SRGAP3: variants seen among roughly 807,000 people sequenced by gnomAD.
SRGAP3 encodes the protein SLIT-ROBO Rho GTPase activating protein 3, also known as SLIT-ROBO Rho GTPase-activating protein 3.
Under a neutral mutation model 121.1 loss-of-function variants are expected in SRGAP3, and 39 were observed. The ratio of observed to expected loss-of-function variants is 0.32; its 90% CI spans 0.25 to 0.42. The LOEUF is 0.42. Ranked by LOEUF, SRGAP3 falls within the 10% of genes least tolerant of loss-of-function variation. The pLI, the probability that SRGAP3 is intolerant of heterozygous loss-of-function variation, is 1.00. For missense variants in SRGAP3, 1,213 were observed against 1,470.6 expected, an observed-to-expected ratio of 0.82 and a Z score of 2.86; for synonymous variants, 601 against 570.0, an observed-to-expected ratio of 1.05 and a Z score of -0.77.
chr3:9,217,317 A>C (rs985603997), intron 1 of SRGAP3: 1 of 152,222 alleles, frequency 6.6e-6, no homozygotes, highest in Non-Finnish European at 1.5e-5. Context: ...GGGCTGTGAG[A>C]AATTTAACTA....
rs552524336 is a variant in SRGAP3 at position 9,206,387 on chromosome 3, G to A, written c.67+42498C>T. ...CGGAAGCTCAGGGAGTCTGATTCCCGAGCCCATGTTTTCAATATGGCTTCC... is the reference window on the plus strand; with the variant it reads ...CGGAAGCTCAGGGAGTCTGATTCCCAAGCCCATGTTTTCAATATGGCTTCC... On this transcript the variant is annotated intron_variant, in intron 1 of 21. Coordinates refer to ENST00000383836, the MANE Select transcript of SRGAP3 (RefSeq NM_014850.4). Among the ~76,000 whole-genome samples, 20 of 152,234 alleles carry A rather than the reference G, an allele frequency of 1.3e-4. No individual in the cohort carries two copies. The South Asian group carries it at 2.7e-3, about 21-fold the overall frequency.
At chr3:9,348,332 A>C (rs1172896528) in intron 1 of SRGAP3, 2 of 414,160 alleles carry the variant, frequency 4.8e-6, no homozygotes. Context: ...GAGTGAAAAG[A>C]AGAGTGGAAA....
chr3:9,121,485 A>G (rs1164090202), intron 2 of SRGAP3, among the ~76,000 whole-genome samples: 1 of 152,194 alleles, frequency 6.6e-6, no homozygotes, highest in Non-Finnish European at 1.5e-5. Context: ...CTCCACTTCC[A>G]GAAGCGGAGA....
intron 2 of SRGAP3, among the ~76,000 whole-genome samples, chr3:9,110,207 T>C (rs1321359857): frequency 6.6e-6 from 1 of 151,578 alleles, no homozygotes; most frequent in East Asian, 1.9e-4. Context: ...GAGCAAAAGA[T>C]GTCCAGGATG....
chr3:9,140,689 C>A (rs894259329), intron 1 of SRGAP3, among the ~76,000 whole-genome samples: 4 of 152,230 alleles, frequency 2.6e-5, no homozygotes, highest in Non-Finnish European at 5.9e-5. Context: ...CACAACTGTT[C>A]CAATAAAACT....
chr3:9,222,701 T>C (rs1418651608), intron 1 of SRGAP3, among the ~76,000 whole-genome samples: 1 of 152,200 alleles, frequency 6.6e-6, no homozygotes, highest in Non-Finnish European at 1.5e-5. Flanking sequence ...ACATTTGTGT[T>C]TCCTAACACA....
chr3:9,159,125 C>T (rs1258647039), intron 1 of SRGAP3, among the ~76,000 whole-genome samples: 2 of 152,290 alleles, frequency 1.3e-5, no homozygotes, highest in African/African-American at 4.8e-5. Context: ...CGGGCCATCA[C>T]TCTCTTTGCC....
intron 8 of SRGAP3, among the ~76,000 whole-genome samples, chr3:9,054,759 G>A (rs1000387647): frequency 1.3e-5 from 2 of 152,228 alleles, no homozygotes; most frequent in Non-Finnish European, 2.9e-5. Context: ...TCCCGGAGAG[G>A]AGGTGCTATG....
intron 1 of SRGAP3, among the ~76,000 whole-genome samples, chr3:9,197,642 T>C (rs1951953936): frequency 3.9e-5 from 6 of 152,230 alleles, no homozygotes; most frequent in Admixed American, 3.9e-4. Context: ...AACTTGTCTA[T>C]AGTTGTGAGT....
chr3:8,999,190 G>T (rs907580506), intron 18 of SRGAP3, among the ~76,000 whole-genome samples: 22 of 152,220 alleles, frequency 1.4e-4, no homozygotes, highest in African/African-American at 5.1e-4. Context: ...GACTGTCTCA[G>T]TAGGGGCCTG....
intron 3 of SRGAP3, among the ~76,000 whole-genome samples, chr3:9,098,257 G>A (rs867733516): frequency 2.6e-5 from 4 of 152,120 alleles, no homozygotes; most frequent in Middle Eastern, 3.2e-3. Context: ...TGTCTGAGTC[G>A]TTTATCTAAC....
Position 8,982,097 on chromosome 3 carries a change from C to T in SRGAP3, c.*3422G>A, listed in dbSNP as rs1047097257. On this transcript the variant is annotated 3_prime_UTR_variant, in exon 22 of 22. Transcript: ENST00000383836. ...CTTGTTCTCAATTTTATCCAAAAAGCTCTTTAGTGGCAGCTGAGCCACAAG... is the reference window on the plus strand; with the variant it reads ...CTTGTTCTCAATTTTATCCAAAAAGTTCTTTAGTGGCAGCTGAGCCACAAG... 6 of 225,926 alleles carry T rather than the reference C, an allele frequency of 2.7e-5. No homozygotes were observed. Among genetic ancestry groups the T allele is most frequent in the African/African-American group, 1.3e-4 (6 of 44,966 alleles). 14.0% of individuals were successfully genotyped at this position (225,926 alleles called of 1,614,324 possible).
At chr3:9,348,443 A>G in intron 1 of SRGAP3, 2 of 652,648 alleles carry the variant, frequency 3.1e-6, no homozygotes, top group Non-Finnish European at 5.7e-6. Flanking sequence ...GCCCGCCACC[A>G]TGGCTGCCTA....
intron 3 of SRGAP3, among the ~76,000 whole-genome samples, chr3:9,264,475 T>C (rs986139058): frequency 6.6e-6 from 1 of 152,198 alleles, no homozygotes; most frequent in Non-Finnish European, 1.5e-5. Context: ...GAAAATCCCA[T>C]CATCTCAGCC....
intron 6 of SRGAP3, chr3:9,059,800 C>T (rs904812991): frequency 9.6e-5 from 27 of 282,580 alleles, no homozygotes; most frequent in Non-Finnish European, 1.5e-4. Flanking sequence ...TACTTTCTTT[C>T]GCATGTACAC....
At chr3:9,229,088 A>AG (rs1186944763) in intron 1 of SRGAP3, among the ~76,000 whole-genome samples, 9 of 151,516 alleles carry the variant, frequency 5.9e-5, no homozygotes, top group Admixed American at 6.6e-5. Context: ...AAAAAAAAAA[A>AG]AAGTCAACTC....
intron 1 of SRGAP3, among the ~76,000 whole-genome samples, chr3:9,338,199 G>C (rs531584217): frequency 1.1e-4 from 16 of 152,138 alleles, no homozygotes; most frequent in Non-Finnish European, 2.1e-4. Context: ...ACTTGGGGGG[G>C]AATGGGGCAG....
chr3:9,309,087 C>A (rs1955201897), intron 3 of SRGAP3, among the ~76,000 whole-genome samples: 1 of 152,210 alleles, frequency 6.6e-6, no homozygotes. Flanking sequence ...TCAGGCTTGT[C>A]CCCTCAGGAT....
intron 1 of SRGAP3, among the ~76,000 whole-genome samples, chr3:9,228,449 T>A (rs1330097220): frequency 2.0e-5 from 3 of 152,122 alleles, no homozygotes; most frequent in Non-Finnish European, 4.4e-5. Context: ...TCAGGGTTGG[T>A]CCAGAAAAAA....
Sources: allele counts gnomAD v4.1 joint callset (sites outside exome capture counted in the v4.1 genomes callset), GRCh38; gene constraint gnomAD v4.1.1; transcripts MANE v1.5; gene names NCBI Gene and HGNC (gene_info 2026-07-23, HGNC 2026-07-21).